The following RIPOR2 variants were observed in gnomAD, a reference collection of about 807,000 sequenced individuals.
RIPOR2 encodes RHO family interacting cell polarization regulator 2.
In RIPOR2, 39 loss-of-function variants were observed where a neutral mutation model predicts 114.5. That is an observed-to-expected ratio of 0.34 (90% CI 0.26 to 0.44). The LOEUF is 0.44. Ranked by LOEUF, RIPOR2 falls within the 20% of genes least tolerant of loss-of-function variation. The pLI, the probability that RIPOR2 is intolerant of heterozygous loss-of-function variation, is 1.00. For synonymous variants in RIPOR2, 445 were observed against 484.4 expected (o/e 0.92, Z 1.07); for missense variants, 1,007 against 1,255.1 (o/e 0.80, Z 2.99).
At chr6:24,825,843 A>G (rs1760130423) in intron 18 of RIPOR2, among the ~76,000 whole-genome samples, 1 of 152,174 alleles carries the variant, frequency 6.6e-6, no homozygotes, top group East Asian at 1.9e-4. Context: ...AACCCAGTGC[A>G]AAAACCAAGT....
Position 25,000,644 on chromosome 6 carries a change from CT to C in RIPOR2, c.76+41206del, listed in dbSNP as rs112291328. On this transcript the variant is annotated intron_variant, in intron 1 of 13. Transcript: ENST00000510784. ...TATTTTCTTTCTGTACTGCTTTTTC[CT>C]TTTTTTTTTCTTCCCGTGCTGGCTT... is the stretch of plus-strand genomic sequence containing the variant. Among the ~76,000 whole-genome samples, 1,299 of 146,850 alleles carry C rather than the reference CT, an allele frequency of 8.8e-3. 19 individuals carry two copies. The highest frequency in any genetic ancestry group is 0.029 in the African/African-American group (1,143 of 40,072).
upstream of RIPOR2, among the ~76,000 whole-genome samples, chr6:24,939,119 C>A (rs1413233129): frequency 6.6e-6 from 1 of 152,104 alleles, no homozygotes; most frequent in Non-Finnish European, 1.5e-5. Context: ...TTTATTATCT[C>A]TATTTTAGTT....
chr6:24,921,377 C>T (rs142805622), intron 1 of RIPOR2, among the ~76,000 whole-genome samples: 97 of 151,740 alleles, frequency 6.4e-4, no homozygotes, highest in Middle Eastern at 3.4e-3. Flanking sequence ...TTGGCCAGGC[C>T]GGTCTCAAAT....
Position 24,837,284 on chromosome 6 carries a change from G to A in RIPOR2, c.2040-1413C>T, listed in dbSNP as rs570569893. On this transcript the variant is annotated intron_variant, in intron 14 of 21. Coordinates refer to ENST00000643898, the MANE Select transcript of RIPOR2 (RefSeq NM_001286445.3). ...ACTACAGGCGTACACCACCATGCCT[G>A]GCTAATTTTTGTATTTTTAGTAGAG... 4.0e-5 allele frequency among the ~76,000 whole-genome samples: 6 copies of A among 151,888 alleles called. No homozygotes were observed. The East Asian group carries it at 1.2e-3, about 29-fold the overall frequency.
intron 1 of RIPOR2, among the ~76,000 whole-genome samples, chr6:24,979,618 G>T (rs546325462): frequency 1.3e-5 from 2 of 152,154 alleles, no homozygotes; most frequent in Non-Finnish European, 2.9e-5. Context: ...TGCTGGGGAA[G>T]GAAAGGCCAG....
intron 1 of RIPOR2, among the ~76,000 whole-genome samples, chr6:24,908,636 GGC>G (rs1769219795): frequency 1.3e-5 from 2 of 152,286 alleles, no homozygotes; most frequent in East Asian, 3.9e-4. Context: ...AAGGACATTT[GGC>G]AGTGATTAGC....
chr6:24,905,681 T>C (rs7758438), intron 1 of RIPOR2, among the ~76,000 whole-genome samples: 5,124 of 152,316 alleles, frequency 0.034, 102 homozygotes, highest in African/African-American at 0.051. Context: ...CATACTGGAA[T>C]TGACCTCTTG....
chr6:24,881,268 C>T (rs1169065324), intron 1 of RIPOR2, among the ~76,000 whole-genome samples: 1 of 152,156 alleles, frequency 6.6e-6, no homozygotes, highest in African/African-American at 2.4e-5. Context: ...TTATTGACGT[C>T]TCACCTGGTC....
intron 1 of RIPOR2, among the ~76,000 whole-genome samples, chr6:24,946,580 A>G (rs1772421267): frequency 6.6e-6 from 1 of 152,170 alleles, no homozygotes; most frequent in African/African-American, 2.4e-5. Context: ...CTCAAAAAAT[A>G]AATAAATAAA....
intron 1 of RIPOR2, among the ~76,000 whole-genome samples, chr6:24,945,240 A>G (rs188241645): frequency 6.6e-6 from 1 of 152,316 alleles, no homozygotes; most frequent in Non-Finnish European, 1.5e-5. Flanking sequence ...AAAACTGTCA[A>G]CTAAGAATTG....
chr6:24,870,620 C>T (rs1381077264), intron 5 of RIPOR2, among the ~76,000 whole-genome samples: 1 of 152,218 alleles, frequency 6.6e-6, no homozygotes, highest in Non-Finnish European at 1.5e-5. Context: ...GATCCTCCCA[C>T]CTCAGCCTCC....
rs928775128 is a variant in RIPOR2 at position 24,804,765 on chromosome 6, G to A, written c.*1608C>T. 16 of 152,020 alleles carry A rather than the reference G, an allele frequency of 1.1e-4. No homozygotes were observed. The highest frequency in any genetic ancestry group is 2.1e-4 in the South Asian group (1 of 4,826). The allele number at this position is 152,020 out of a possible 1,614,324, so 9.4% of individuals were successfully genotyped here. A position where few individuals can be genotyped will look rare whatever the true frequency, so the allele number is the denominator to read the frequency against. On this transcript the variant is annotated 3_prime_UTR_variant, in exon 22 of 22. Coordinates refer to ENST00000643898, the MANE Select transcript of RIPOR2 (RefSeq NM_001286445.3). The stretch of plus-strand genomic sequence containing the variant: ...AATGACATCTAAATGATACAAACAC[G>A]TCCATAGTACAGTTGATATTCCACA...
intron 19 of RIPOR2, among the ~76,000 whole-genome samples, chr6:24,824,020 G>A (rs1201148133): frequency 6.6e-6 from 1 of 152,186 alleles, no homozygotes; most frequent in Admixed American, 6.5e-5. Flanking sequence ...GCCTCCCAAA[G>A]TGTTGGGATT....
chr6:25,020,917 C>T (rs28620972), intron 1 of RIPOR2, among the ~76,000 whole-genome samples: 3 of 151,982 alleles, frequency 2.0e-5, no homozygotes, highest in East Asian at 1.9e-4. Flanking sequence ...AGTGCAGTGG[C>T]GTGATCTTGG....
chr6:25,011,101 A>T (rs746699521), intron 1 of RIPOR2, among the ~76,000 whole-genome samples: 7 of 152,210 alleles, frequency 4.6e-5, no homozygotes, highest in Admixed American at 6.5e-5. Context: ...TCTATGAAAA[A>T]AAATTTGTTT....
chr6:25,041,833 A>G (rs1317078153), intron 1 of RIPOR2: 1 of 701,658 alleles, frequency 1.4e-6, no homozygotes. Flanking sequence ...AGTAGGTAAC[A>G]CCAGACGGGA....
In RIPOR2 at chr6:24,910,787, C is replaced by CA. The variant is rs573895745; in HGVS notation, c.61+25050dup. 4.0e-5 allele frequency: 39 copies of CA among 984,790 alleles called. No individual in the cohort carries two copies. In the African/African-American group the frequency reaches 4.0e-4, roughly 10 times the overall value. 61.0% of individuals were successfully genotyped at this position (984,790 alleles called of 1,614,324 possible). ...ACCGCGTTGTACGCAAAATCAGAAG[C>CA]AAAAAAGGAGAAATGAAAAGGTGAA... On this transcript the variant is annotated intron_variant, in intron 1 of 21. Transcript: ENST00000643898.
intron 1 of RIPOR2, among the ~76,000 whole-genome samples, chr6:24,932,554 C>A (rs528859078): frequency 2.2e-4 from 34 of 152,242 alleles, no homozygotes; most frequent in Non-Finnish European, 4.4e-4. Flanking sequence ...CCACAAAAAA[C>A]AATTGCTGAA....
At chr6:24,891,696 C>T (rs1011887321) in intron 1 of RIPOR2, among the ~76,000 whole-genome samples, 2 of 152,088 alleles carry the variant, frequency 1.3e-5, no homozygotes, top group African/African-American at 4.8e-5. Flanking sequence ...GTATTCTGAG[C>T]CCAAAAGGCA....
Sources: allele counts gnomAD v4.1 joint callset (sites outside exome capture counted in the v4.1 genomes callset), GRCh38; gene constraint gnomAD v4.1.1; transcripts MANE v1.5; gene names NCBI Gene and HGNC (gene_info 2026-07-23, HGNC 2026-07-21).